The following TAF4B variants were observed in gnomAD, a reference collection of about 807,000 sequenced individuals.
The protein encoded by TAF4B is transcription initiation factor TFIID subunit 4B.
In TAF4B, 38 loss-of-function variants were observed where a neutral mutation model predicts 86.4. That is an observed-to-expected ratio of 0.44 (90% CI 0.34 to 0.58). The LOEUF (loss-of-function observed/expected upper bound fraction) is 0.58, where lower values mean the gene tolerates loss of function less well. Ranked by LOEUF, TAF4B falls within the 20% of genes least tolerant of loss-of-function variation. TAF4B has a pLI of 0.02. For missense variants in TAF4B, 988 were observed against 1,027.6 expected, an observed-to-expected ratio of 0.96 and a Z score of 0.53; for synonymous variants, 388 against 391.2, an observed-to-expected ratio of 0.99 and a Z score of 0.10.
At chr18:26,301,559 G>A (rs776058578) in intron 9 of TAF4B, among the ~76,000 whole-genome samples, 4 of 152,176 alleles carry the variant, frequency 2.6e-5, no homozygotes, top group South Asian at 2.1e-4. Context: ...CTTCCAAAGC[G>A]CTGGGATTAT....
At chr18:26,381,780 ATAGT>A (rs1253609799) in intron 14 of TAF4B, among the ~76,000 whole-genome samples, 3 of 151,544 alleles carry the variant, frequency 2.0e-5, no homozygotes, top group African/African-American at 4.8e-5. Context: ...TCCAAACCAA[ATAGT>A]TAATTATACA....
intron 13 of TAF4B, among the ~76,000 whole-genome samples, chr18:26,350,442 T>G (rs1462897335): frequency 6.6e-6 from 1 of 152,126 alleles, no homozygotes; most frequent in East Asian, 1.9e-4. Context: ...AAGGAAGATG[T>G]AGGAGGATCA....
chr18:26,241,891 G>A (rs138761695), intron 1 of TAF4B, among the ~76,000 whole-genome samples: 10,342 of 152,152 alleles, frequency 0.068, 636 homozygotes, highest in African/African-American at 0.15. Flanking sequence ...GTAGTTGAGC[G>A]GTTTTGAGTG....
intron 3 of TAF4B, among the ~76,000 whole-genome samples, chr18:26,271,359 T>C (rs1390084115): frequency 6.6e-6 from 1 of 152,258 alleles, no homozygotes; most frequent in Non-Finnish European, 1.5e-5. Flanking sequence ...CTAGTATTTC[T>C]AATTAAATGT....
intron 1 of TAF4B, chr18:26,255,739 C>G (rs1420105064): frequency 6.3e-7 from 1 of 1,597,612 alleles, no homozygotes; most frequent in Non-Finnish European, 8.6e-7. Flanking sequence ...GGCCCCTGCT[C>G]CTCTGGCTTC....
At chr18:26,288,857 G>GC (rs1213194318) in intron 7 of TAF4B, among the ~76,000 whole-genome samples, 1 of 152,080 alleles carries the variant, frequency 6.6e-6, no homozygotes, top group African/African-American at 2.4e-5. Flanking sequence ...AAGAAATAAT[G>GC]CAACAAAATT....
Position 26,335,109 on chromosome 18 carries a change from A to G in TAF4B, c.2260-66A>G. The G allele has an allele frequency of 3.5e-6, 4 of 1,140,534 alleles. 1 individual carries two copies. In the Middle Eastern group the frequency reaches 6.0e-4, roughly 170 times the overall value. The allele number at this position is 1,140,534 out of a possible 1,614,324, so 70.7% of individuals were successfully genotyped here. On this transcript the variant is annotated intron_variant, in intron 12 of 14. Coordinates refer to ENST00000269142, the MANE Select transcript of TAF4B (RefSeq NM_005640.3). ...AAGAGAAAATTGTCATTTATTAAAT[A>G]TTTAATGGCAACTATGGTGTTCAGA...
At chr18:26,253,088 T>C (rs1414948089) in intron 1 of TAF4B, among the ~76,000 whole-genome samples, 1 of 152,188 alleles carries the variant, frequency 6.6e-6, no homozygotes. Context: ...ATTCTGAATA[T>C]AATGTTGAAC....
chr18:26,313,696 C>T (rs1363696277), intron 9 of TAF4B, among the ~76,000 whole-genome samples: 2 of 151,430 alleles, frequency 1.3e-5, no homozygotes, highest in Non-Finnish European at 2.9e-5. Context: ...CACAGGGTCT[C>T]ACTCTGTCAC....
intron 11 of TAF4B, among the ~76,000 whole-genome samples, chr18:26,325,719 T>C (rs2056998240): frequency 6.6e-6 from 1 of 152,210 alleles, no homozygotes; most frequent in African/African-American, 2.4e-5. Flanking sequence ...AGATTAAGTA[T>C]TTAAGAAACC....
intron 1 of TAF4B, among the ~76,000 whole-genome samples, chr18:26,252,936 G>C (rs986688532): frequency 4.0e-5 from 6 of 151,618 alleles, no homozygotes; most frequent in Non-Finnish European, 8.8e-5. Context: ...TAATATGTGG[G>C]GTTCAGCACT....
intron 3 of TAF4B, among the ~76,000 whole-genome samples, chr18:26,272,154 C>G (rs542255173): frequency 6.6e-6 from 1 of 152,044 alleles, no homozygotes; most frequent in African/African-American, 2.4e-5. Context: ...TGGGCAGGCG[C>G]GTGGGGGATT....
intron 14 of TAF4B, among the ~76,000 whole-genome samples, chr18:26,374,230 A>G (rs2057427226): frequency 6.6e-6 from 1 of 152,194 alleles, no homozygotes; most frequent in South Asian, 2.1e-4. Flanking sequence ...CACTTTAATT[A>G]TAGTTAGCCT....
chr18:26,339,352 G>T (rs539573921), intron 13 of TAF4B, among the ~76,000 whole-genome samples: 4 of 151,986 alleles, frequency 2.6e-5, no homozygotes, highest in Non-Finnish European at 4.4e-5. Context: ...TTTGAGAAGG[G>T]TCTCACTCTG....
chr18:26,369,062 A>G (rs571631737), intron 14 of TAF4B, among the ~76,000 whole-genome samples: 36 of 152,292 alleles, frequency 2.4e-4, no homozygotes, highest in Non-Finnish European at 3.1e-4. Context: ...TAACTAGCCT[A>G]AGAGAGGAAA....
At chr18:26,312,025 T>A (rs1307316130) in intron 9 of TAF4B, among the ~76,000 whole-genome samples, 1 of 152,206 alleles carries the variant, frequency 6.6e-6, no homozygotes, top group African/African-American at 2.4e-5. Context: ...CCTGTAACAC[T>A]CCATAGAATC....
At chr18:26,347,456 A>C (rs1344319935) in intron 13 of TAF4B, among the ~76,000 whole-genome samples, 1 of 152,154 alleles carries the variant, frequency 6.6e-6, no homozygotes, top group Non-Finnish European at 1.5e-5. Flanking sequence ...GAATCAAACA[A>C]ATTTTTCTTT....
chr18:26,381,878 G>A (rs2057482007), intron 14 of TAF4B, among the ~76,000 whole-genome samples: 3 of 151,722 alleles, frequency 2.0e-5, no homozygotes, highest in African/African-American at 7.3e-5. Flanking sequence ...ATTATTAATG[G>A]TCATATATCT....
At chr18:26,238,471 G>T (rs180942544) in intron 1 of TAF4B, among the ~76,000 whole-genome samples, 1 of 150,238 alleles carries the variant, frequency 6.7e-6, no homozygotes, top group Non-Finnish European at 1.5e-5. Flanking sequence ...TCCCCACTCT[G>T]CAGTCGGGCT....
Sources: gnomAD v4.1 joint callset for allele counts (sites outside exome capture counted in the v4.1 genomes callset) on GRCh38, gnomAD v4.1.1 for gene constraint, MANE v1.5 for transcripts, NCBI Gene and HGNC (gene_info 2026-07-23, HGNC 2026-07-21) for gene names.